MED13L: variants seen among roughly 807,000 people sequenced by gnomAD.
The protein encoded by MED13L is mediator of RNA polymerase II transcription subunit 13-like.
Under a neutral mutation model 220.9 loss-of-function variants are expected in MED13L, and 7 were observed. The observed-to-expected ratio is 0.03, with a 90% confidence interval of 0.02 to 0.06. The LOEUF is 0.06. Ranked by LOEUF, MED13L falls within the 10% of genes least tolerant of loss-of-function variation. The pLI, the probability that MED13L is intolerant of heterozygous loss-of-function variation, is 1.00. For synonymous variants in MED13L, 1,011 were observed against 1,015.2 expected (o/e 1.00, Z 0.08); for missense variants, 1,965 against 2,760.5 (o/e 0.71, Z 6.46).
At chr12:116,142,106 C>CT (rs1054582489) in intron 2 of MED13L, among the ~76,000 whole-genome samples, 21 of 152,318 alleles carry the variant, frequency 1.4e-4, no homozygotes, top group African/African-American at 5.1e-4. Context: ...CAGACTTTCT[C>CT]TGACTACCCT....
chr12:116,220,719 A>C (rs1447105506), intron 2 of MED13L, among the ~76,000 whole-genome samples: 1 of 152,182 alleles, frequency 6.6e-6, no homozygotes, highest in Admixed American at 6.5e-5. Flanking sequence ...GGCCATAAAC[A>C]AAAGTTTTTT....
At chr12:116,276,745 G>A in intron 1 of MED13L, 2 of 1,281,896 alleles carry the variant, frequency 1.6e-6, no homozygotes, top group Non-Finnish European at 2.0e-6. Flanking sequence ...GGAGGAGAAG[G>A]GGAGTGCGAT....
At position 116,201,371 on chromosome 12, in the gene MED13L, G is replaced by C. The variant is rs200366933; in HGVS notation, c.310+36097C>G. 2.0e-5 allele frequency among the ~76,000 whole-genome samples: 3 copies of C among 151,936 alleles called. No homozygotes were observed. In the East Asian group the frequency reaches 5.8e-4, roughly 29 times the overall value. On this transcript the variant is annotated intron_variant, in intron 2 of 30. Transcript: ENST00000281928. Reference sequence around the variant, plus strand: ...TAATAAATGAAGAAACCCTGAGATGGATACATTTCCTTAACTAAAAAAGAA... The same window carrying C: ...TAATAAATGAAGAAACCCTGAGATGCATACATTTCCTTAACTAAAAAAGAA...
At chr12:115,973,682 C>G (rs2137235902) in intron 25 of MED13L, among the ~76,000 whole-genome samples, 1 of 152,170 alleles carries the variant, frequency 6.6e-6, no homozygotes, top group South Asian at 2.1e-4. Context: ...ACTAAAAAAG[C>G]AGACTGGGGA....
At chr12:115,972,472 A>G (rs778419959) in intron 25 of MED13L, 4 of 511,770 alleles carry the variant, frequency 7.8e-6, no homozygotes, top group Non-Finnish European at 1.1e-5. Flanking sequence ...GTCTGAAATG[A>G]CCTTTGAGAG....
chr12:116,249,734 CAAAAAAAAAAAA>C (rs58809334), intron 1 of MED13L, among the ~76,000 whole-genome samples: 9 of 19,614 alleles, frequency 4.6e-4, no homozygotes, highest in African/African-American at 2.1e-3. Context: ...AGTACCTACC[CAAAAAAAAAAAA>C]AAAAAAAAAA....
At position 115,981,411 on chromosome 12, in the gene MED13L, A is replaced by G. The variant is rs7958820; in HGVS notation, c.5176-473T>C. ...AATTTCAATCTTTTAATTTTACAAG[A>G]TAGCTTCAGTTAAAGTGACATTAAA... On this transcript the variant is annotated intron_variant, in intron 22 of 30. Transcript: ENST00000281928. Among the ~76,000 whole-genome samples the G allele has an allele frequency of 8.2e-3, 1,255 of 152,338 alleles. 17 individuals carry two copies. The highest frequency in any genetic ancestry group is 0.029 in the African/African-American group (1,198 of 41,572).
chr12:116,230,326 C>T (rs1869435921), intron 2 of MED13L: 1 of 211,962 alleles, frequency 4.7e-6, no homozygotes, highest in Non-Finnish European at 8.1e-6. Context: ...CTTGAACCAG[C>T]GAGGCAGAGG....
chr12:116,207,840 A>C (rs1337372936), intron 2 of MED13L, among the ~76,000 whole-genome samples: 1 of 152,148 alleles, frequency 6.6e-6, no homozygotes, highest in African/African-American at 2.4e-5. Context: ...AAAAGGTATG[A>C]GTAAGTTAGT....
chr12:115,962,701 T>C (rs964913329), intron 30 of MED13L: 11 of 154,834 alleles, frequency 7.1e-5, no homozygotes, highest in African/African-American at 2.7e-4. Flanking sequence ...TGGAATGCAC[T>C]TCTCAACTAT....
intron 2 of MED13L, among the ~76,000 whole-genome samples, chr12:116,224,902 T>C (rs911352334): frequency 6.6e-6 from 1 of 152,104 alleles, no homozygotes; most frequent in African/African-American, 2.4e-5. Context: ...TGGTCTCCAA[T>C]ACCTGGGCTC....
At chr12:116,169,478 T>C (rs778256898) in intron 2 of MED13L, among the ~76,000 whole-genome samples, 5 of 152,226 alleles carry the variant, frequency 3.3e-5, no homozygotes, top group Non-Finnish European at 7.3e-5. Flanking sequence ...CAAATCTCTT[T>C]TACATCTGCC....
intron 15 of MED13L, 110 bp from the exon 16 acceptor site, chr12:115,996,791 T>C: frequency 9.0e-7 from 1 of 1,108,258 alleles, no homozygotes; most frequent in Non-Finnish European, 1.4e-6. Context: ...TATTTCAGTA[T>C]TTCTCTCCTA....
intron 4 of MED13L, among the ~76,000 whole-genome samples, chr12:116,086,038 T>C (rs912094266): frequency 3.3e-5 from 5 of 152,214 alleles, no homozygotes; most frequent in African/African-American, 1.2e-4. Flanking sequence ...GCAGAAATGC[T>C]AGACAACGCT....
Position 115,961,238 on chromosome 12 carries a change from G to C in MED13L, c.*28C>G. ...ACTGAGGTTGCAGGGAGAAGGAACT[G>C]AGCCAGAGAGAACAAGTGCTTTTCC... On this transcript the variant is annotated 3_prime_UTR_variant, in exon 31 of 31. Coordinates refer to ENST00000281928, the MANE Select transcript of MED13L (RefSeq NM_015335.5). 1 of 1,613,906 alleles carries C rather than the reference G, an allele frequency of 6.2e-7. No homozygotes were observed. The highest frequency in any genetic ancestry group is 1.1e-5 in the South Asian group (1 of 91,042).
chr12:116,163,687 T>C (rs780164542), intron 2 of MED13L, among the ~76,000 whole-genome samples: 9 of 152,160 alleles, frequency 5.9e-5, no homozygotes, highest in Non-Finnish European at 1.2e-4. Context: ...GAAAAGGGTA[T>C]TTACAAAAAT....
intron 1 of MED13L, among the ~76,000 whole-genome samples, chr12:116,250,732 G>A (rs1215894483): frequency 2.2e-5 from 3 of 135,166 alleles, no homozygotes; most frequent in Non-Finnish European, 3.0e-5. Context: ...AGCTGAGATC[G>A]CACCACTGCA....
chr12:115,984,082 A>G (rs1447586850), intron 20 of MED13L, 98 bp downstream of exon 20: 1 of 1,333,938 alleles, frequency 7.5e-7, no homozygotes, highest in Non-Finnish European at 1.0e-6. Context: ...ATTACTTGAG[A>G]CAAAAGAAAT....
Position 116,008,553 on chromosome 12 carries a change from C to T in MED13L, c.1860G>A (p.Gly620=), listed in dbSNP as rs1463508208. 1 of 1,613,862 alleles carries T rather than the reference C, an allele frequency of 6.2e-7. No individual in the cohort carries two copies. The highest frequency in any genetic ancestry group is 8.5e-7 in the Non-Finnish European group (1 of 1,179,984). Residue 620 remains glycine, a synonymous_variant, in exon 10 of 31, where the codon GGG becomes GGA. Coordinates refer to ENST00000281928, the MANE Select transcript of MED13L (RefSeq NM_015335.5). ...AEVSETALYC[G]IRPSNPESSE... is the part of the protein sequence containing the mutation. ...ATGACTCCGGGTTCGAGGGCCTAAT[C>T]CCACAATATAAGGCTGTCTCGCTGA...
Sources: gnomAD v4.1 joint callset for allele counts (sites outside exome capture counted in the v4.1 genomes callset) on GRCh38, gnomAD v4.1.1 for gene constraint, MANE v1.5 for transcripts, NCBI Gene and HGNC (gene_info 2026-07-23, HGNC 2026-07-21) for gene names.